The following UTS2B variants were observed in gnomAD, a reference collection of about 807,000 sequenced individuals.
UTS2B encodes the protein urotensin-2B.
In UTS2B, 21 loss-of-function variants were observed where a neutral mutation model predicts 19.2. That is an observed-to-expected ratio of 1.09 (90% CI 0.78 to 1.58). UTS2B has a LOEUF of 1.58. UTS2B is among the 40% of genes most tolerant of loss of function. The probability of loss-of-function intolerance (pLI) is 0.00; values close to 1 mark genes in which losing one functional copy is unlikely to be tolerated. For missense variants in UTS2B, 138 were observed against 130.3 expected, an observed-to-expected ratio of 1.06 and a Z score of -0.29; for synonymous variants, 57 against 50.2, an observed-to-expected ratio of 1.14 and a Z score of -0.58.
intron 8 of UTS2B, 58 bp downstream of exon 8, chr3:191,275,194 A>G (rs1346104285): frequency 7.4e-7 from 1 of 1,353,616 alleles, no homozygotes; most frequent in East Asian, 2.3e-5. Flanking sequence ...CCTCTCAGAA[A>G]TTACTGCAAA....
intron 4 of UTS2B, among the ~76,000 whole-genome samples, chr3:191,293,161 T>C (rs1056858853): frequency 6.6e-6 from 1 of 152,102 alleles, no homozygotes; most frequent in Non-Finnish European, 1.5e-5. Context: ...TTTACTAGTA[T>C]TTTATTAGCA....
the UTS2B span, among the ~76,000 whole-genome samples, chr3:191,339,989 C>G: frequency 6.6e-6 from 1 of 152,250 alleles, no homozygotes; most frequent in East Asian, 1.9e-4. Context: ...TGAAAGTTAG[C>G]ATGGCAATTA....
intron 4 of UTS2B, among the ~76,000 whole-genome samples, chr3:191,292,459 TATTG>T (rs1560138284): frequency 6.6e-6 from 1 of 152,208 alleles, no homozygotes; most frequent in East Asian, 1.9e-4. Context: ...TTGATCTTTG[TATTG>T]ATTGATTTTG....
the UTS2B span, among the ~76,000 whole-genome samples, chr3:191,337,645 T>C: frequency 0.026 from 3,880 of 152,030 alleles, 148 homozygotes; most frequent in African/African-American, 0.089. Flanking sequence ...ACCCAGCCTC[T>C]TTTTTTAAGA....
rs528997271 is a variant in UTS2B, at chr3:191,285,589, C to T, written c.-124-3276G>A. Among the ~76,000 whole-genome samples the T allele has an allele frequency of 2.6e-5, 4 of 152,224 alleles. No homozygotes were observed. The South Asian group carries it at 8.3e-4, about 32-fold the overall frequency. ...TATGCTGTCTACAAGAGACTCATTTCACTTTTAAAAATATACATAAGTTCA... is the reference window on the plus strand; with the variant it reads ...TATGCTGTCTACAAGAGACTCATTTTACTTTTAAAAATATACATAAGTTCA... On this transcript the variant is annotated intron_variant, in intron 4 of 8. Transcript: ENST00000340524.
chr3:191,295,219 C>A (rs1435373160), intron 4 of UTS2B, among the ~76,000 whole-genome samples: 3 of 151,882 alleles, frequency 2.0e-5, no homozygotes, highest in Admixed American at 6.6e-5. Context: ...ACTCTTCAAT[C>A]CCTTTGAATC....
At chr3:191,341,933 GCTTA>G in the UTS2B span, among the ~76,000 whole-genome samples, 2 of 152,126 alleles carry the variant, frequency 1.3e-5, no homozygotes, top group Admixed American at 6.5e-5. Context: ...TTTTATGTAA[GCTTA>G]CTTTTATTAA....
chr3:191,328,774 A>C (rs1415082409), intron 1 of UTS2B, 65 bp from the exon 2 acceptor site: 1 of 152,236 alleles, frequency 6.6e-6, no homozygotes, highest in East Asian at 1.9e-4. Context: ...AACAGAGATA[A>C]GTCTGACGCC....
chr3:191,292,260 T>C (rs1454888449), intron 4 of UTS2B, among the ~76,000 whole-genome samples: 1 of 152,208 alleles, frequency 6.6e-6, no homozygotes, highest in East Asian at 1.9e-4. Flanking sequence ...TATAATTAAT[T>C]AGGTCTTTAA....
intron 3 of UTS2B, among the ~76,000 whole-genome samples, chr3:191,306,688 C>A (rs1717149617): frequency 6.6e-6 from 1 of 152,182 alleles, no homozygotes. Flanking sequence ...GGCTGGAGTG[C>A]AATGGCAAGA....
At chr3:191,326,096 T>C (rs1424366890) in intron 2 of UTS2B, among the ~76,000 whole-genome samples, 2 of 152,206 alleles carry the variant, frequency 1.3e-5, no homozygotes, top group East Asian at 3.8e-4. Context: ...GAAGTATAGT[T>C]CTGTGGGTCC....
At chr3:191,269,025 T>C (rs962979847) in intron 8 of UTS2B, among the ~76,000 whole-genome samples, 3 of 152,224 alleles carry the variant, frequency 2.0e-5, no homozygotes, top group Admixed American at 2.0e-4. Flanking sequence ...TCAAACCAAA[T>C]ATATTAGCAT....
intron 8 of UTS2B, among the ~76,000 whole-genome samples, chr3:191,271,554 A>C (rs1716095241): frequency 1.3e-5 from 2 of 152,040 alleles, no homozygotes; most frequent in Admixed American, 1.3e-4. Context: ...TTTTTCCCAG[A>C]AACAGTTTTT....
intron 8 of UTS2B, among the ~76,000 whole-genome samples, chr3:191,274,883 C>T (rs756663332): frequency 6.6e-5 from 10 of 152,100 alleles, no homozygotes; most frequent in South Asian, 2.1e-4. Flanking sequence ...GTTATAGCAA[C>T]GAAGTTTCCC....
At chr3:191,328,915 C>CTGCT (rs1717829503) in intron 1 of UTS2B, 2 of 152,354 alleles carry the variant, frequency 1.3e-5, no homozygotes, top group East Asian at 3.9e-4. Flanking sequence ...ATTTTATCAG[C>CTGCT]TGCTCTTCAT....
At chr3:191,331,265 C>G (rs1235763463), upstream of UTS2B, among the ~76,000 whole-genome samples, 1 of 152,116 alleles carries the variant, frequency 6.6e-6, no homozygotes, top group Non-Finnish European at 1.5e-5. Context: ...TCATATGGTG[C>G]TATGATTTTA....
At chr3:191,285,389 T>G (rs1482180794) in intron 4 of UTS2B, among the ~76,000 whole-genome samples, 1 of 151,968 alleles carries the variant, frequency 6.6e-6, no homozygotes, top group Non-Finnish European at 1.5e-5. Context: ...AGAGATAAAT[T>G]TTAATCACAA....
chr3:191,309,960 C>CTTTTTTTTTTTTTTTTTT (rs200511485), intron 3 of UTS2B, among the ~76,000 whole-genome samples: 1 of 149,184 alleles, frequency 6.7e-6, no homozygotes, highest in Admixed American at 6.7e-5. Context: ...TTTTTCCTTT[C>CTTTTTTTTTTTTTTTTTT]TTTCTTTTTT....
intron 2 of UTS2B, chr3:191,328,134 T>C (rs535845583): frequency 4.6e-5 from 7 of 152,300 alleles, no homozygotes; most frequent in African/African-American, 1.7e-4. Context: ...GCCTTGAAAG[T>C]CTTCTAAATT....
Sources: gnomAD v4.1 joint callset for allele counts (sites outside exome capture counted in the v4.1 genomes callset) on GRCh38, gnomAD v4.1.1 for gene constraint, MANE v1.5 for transcripts, NCBI Gene and HGNC (gene_info 2026-07-23, HGNC 2026-07-21) for gene names.